KLHL14: variants seen among roughly 807,000 people sequenced by gnomAD.
KLHL14 encodes kelch-like protein 14.
Under a neutral mutation model 64.3 loss-of-function variants are expected in KLHL14, and 22 were observed. The observed-to-expected ratio is 0.34, with a 90% CI of 0.24 to 0.49. The LOEUF (loss-of-function observed/expected upper bound fraction) is 0.49, where lower values mean the gene tolerates loss of function less well. KLHL14 is among the 20% of genes least tolerant of loss of function. The pLI, the probability that KLHL14 is intolerant of heterozygous loss-of-function variation, is 0.99. For synonymous variants in KLHL14, 322 were observed against 333.4 expected, an observed-to-expected ratio of 0.97 and a Z score of 0.37; for missense variants, 661 against 789.0, an observed-to-expected ratio of 0.84 and a Z score of 1.94.
At chr18:32,682,302 T>C (rs1171743308) in intron 5 of KLHL14, among the ~76,000 whole-genome samples, 1 of 152,198 alleles carries the variant, frequency 6.6e-6, no homozygotes, top group Non-Finnish European at 1.5e-5. Flanking sequence ...TAGATTTTCT[T>C]GATATATTTG....
At chr18:32,757,417 T>C (rs566759308) in intron 2 of KLHL14, among the ~76,000 whole-genome samples, 38 of 152,328 alleles carry the variant, frequency 2.5e-4, no homozygotes, top group African/African-American at 8.2e-4. Context: ...AAGCCCTCCA[T>C]TGAATCTCAG....
intron 2 of KLHL14, among the ~76,000 whole-genome samples, chr18:32,759,949 G>A (rs2050305348): frequency 1.3e-5 from 2 of 152,122 alleles, no homozygotes; most frequent in Admixed American, 6.5e-5. Flanking sequence ...AGGGCCTAGT[G>A]TACACCTGAT....
In KLHL14 at chr18:32,697,353, C is replaced by T. The variant is rs1236760779; in HGVS notation, c.1070-1801G>A. Among the ~76,000 whole-genome samples the T allele has an allele frequency of 2.0e-5, 3 of 152,162 alleles. No individual in the cohort carries two copies. In the East Asian group the frequency reaches 5.8e-4, roughly 29 times the overall value. ...CTTCCCTTGTCATATTACGAACAAC[C>T]TGGTGCTACTCCAGTTGATGGTAAT... On this transcript the variant is annotated intron_variant, in intron 3 of 8. Transcript: ENST00000359358.
At chr18:32,764,948 C>T (rs974540186) in intron 2 of KLHL14, among the ~76,000 whole-genome samples, 2 of 152,064 alleles carry the variant, frequency 1.3e-5, no homozygotes, top group Admixed American at 6.6e-5. Flanking sequence ...AAAGAAAAGT[C>T]TTAAGTCTAC....
chr18:32,688,227 A>G (rs1238115925), intron 4 of KLHL14, among the ~76,000 whole-genome samples: 1 of 152,172 alleles, frequency 6.6e-6, no homozygotes, highest in Non-Finnish European at 1.5e-5. Flanking sequence ...CTAAACATTG[A>G]GAGATGGGTA....
chr18:32,771,762 G>T (rs2050387407), intron 1 of KLHL14, among the ~76,000 whole-genome samples: 1 of 151,522 alleles, frequency 6.6e-6, no homozygotes, highest in Non-Finnish European at 1.5e-5. Flanking sequence ...CAAGTTAGAA[G>T]GCAGGTGTTG....
intron 2 of KLHL14, among the ~76,000 whole-genome samples, chr18:32,746,339 A>G (rs2050223523): frequency 6.6e-6 from 1 of 152,256 alleles, no homozygotes; most frequent in African/African-American, 2.4e-5. Flanking sequence ...GTTCCATCTC[A>G]GTAACTGCCC....
rs770993589 is a variant in KLHL14 at position 32,677,173 on chromosome 18, C to T, written c.1746G>A (p.Met582Ile). Residue 582 changes from methionine (M) to isoleucine (I), a missense_variant and splice_region_variant, in exon 8 of 9, where the codon ATG becomes ATA. Around this residue, in one of 2 missense-constraint regions of KLHL14, gnomAD observed 330 missense variants for 450.0 expected, o/e 0.73. Transcript: ENST00000359358. ...GGATGCAGTAAATGTGGACACATAC[C>T]ATACTCCAGCTGTAGCCTCCCACAA... Reference protein sequence around the residue: ...IYLVGGYSWSMGAYKSSTICY... With the variant: ...IYLVGGYSWSIGAYKSSTICY... The T allele has an allele frequency of 1.2e-6, 2 of 1,610,526 alleles. No individual in the cohort carries two copies. Among genetic ancestry groups the T allele is most frequent in the Non-Finnish European group, 1.7e-6 (2 of 1,178,624 alleles).
At chr18:32,772,217 G>C (rs549220428) in intron 1 of KLHL14, 8 of 397,036 alleles carry the variant, frequency 2.0e-5, no homozygotes, top group Middle Eastern at 6.9e-4. Flanking sequence ...CCTGGCGCCG[G>C]TCCTGGATCG....
chr18:32,689,610 A>T (rs1799398424), intron 4 of KLHL14, among the ~76,000 whole-genome samples: 1 of 152,172 alleles, frequency 6.6e-6, no homozygotes, highest in Non-Finnish European at 1.5e-5. Flanking sequence ...TAGAAAGAAG[A>T]TTATAGCTGG....
At chr18:32,762,932 T>C (rs1311298258) in intron 2 of KLHL14, among the ~76,000 whole-genome samples, 1 of 152,138 alleles carries the variant, frequency 6.6e-6, no homozygotes, top group African/African-American at 2.4e-5. Flanking sequence ...TATTTTGTTA[T>C]TAAAATATAC....
chr18:32,736,176 G>A (rs1208849567), intron 3 of KLHL14, among the ~76,000 whole-genome samples: 1 of 152,168 alleles, frequency 6.6e-6, no homozygotes, highest in Non-Finnish European at 1.5e-5. Context: ...AGGTCAACCA[G>A]TTTTTCTAGG....
chr18:32,708,497 C>T (rs1261288838), intron 3 of KLHL14, among the ~76,000 whole-genome samples: 1 of 152,180 alleles, frequency 6.6e-6, no homozygotes, highest in African/African-American at 2.4e-5. Flanking sequence ...TTCAATCTCT[C>T]CCCAGACACT....
At chr18:32,679,676 G>A (rs1042116258) in intron 7 of KLHL14, among the ~76,000 whole-genome samples, 26 of 151,918 alleles carry the variant, frequency 1.7e-4, no homozygotes, top group Non-Finnish European at 3.1e-4. Context: ...ATAATCATAA[G>A]TGGCTTGCTA....
chr18:32,686,945 T>A (rs2049882222), intron 5 of KLHL14, among the ~76,000 whole-genome samples: 1 of 152,216 alleles, frequency 6.6e-6, no homozygotes, highest in African/African-American at 2.4e-5. Flanking sequence ...ACATTTTTTT[T>A]CTTCCTACAT....
intron 3 of KLHL14, among the ~76,000 whole-genome samples, chr18:32,719,673 G>T (rs191050112): frequency 6.6e-6 from 1 of 152,214 alleles, no homozygotes; most frequent in East Asian, 1.9e-4. Flanking sequence ...TGACACAGTG[G>T]CTAAAAGATT....
At chr18:32,704,954 T>C (rs530745383) in intron 3 of KLHL14, among the ~76,000 whole-genome samples, 70 of 152,112 alleles carry the variant, frequency 4.6e-4, no homozygotes, top group African/African-American at 1.5e-3. Flanking sequence ...AGGGAGGAAA[T>C]GACTAAAACT....
intron 3 of KLHL14, among the ~76,000 whole-genome samples, chr18:32,734,704 G>T (rs2050154838): frequency 6.6e-6 from 1 of 152,166 alleles, no homozygotes. Context: ...CCTGAGCCTG[G>T]ACATTTATGT....
chr18:32,695,959 A>C (rs1200812754), intron 3 of KLHL14, among the ~76,000 whole-genome samples: 1 of 152,108 alleles, frequency 6.6e-6, no homozygotes, highest in Non-Finnish European at 1.5e-5. Context: ...AGCCATTAAG[A>C]TGCTCTGCCC....
Sources: gnomAD v4.1 joint callset for allele counts (sites outside exome capture counted in the v4.1 genomes callset) on GRCh38, gnomAD v4.1.1 for gene constraint, gnomAD v4.1.1 regional missense constraint, MANE v1.5 for transcripts, NCBI Gene and HGNC (gene_info 2026-07-23, HGNC 2026-07-21) for gene names.